RASGEF1A: variants seen among roughly 807,000 people sequenced by gnomAD.
RASGEF1A encodes RasGEF domain family member 1A.
RASGEF1A carries 18 observed loss-of-function variants against 56.4 expected under a neutral mutation model. That is an observed-to-expected ratio of 0.32 (90% CI 0.22 to 0.47). The LOEUF (loss-of-function observed/expected upper bound fraction) is 0.47, where lower values mean the gene tolerates loss of function less well. Ranked by LOEUF, RASGEF1A falls within the 20% of genes least tolerant of loss-of-function variation. The pLI is 1.00. For synonymous variants in RASGEF1A, 245 were observed against 242.6 expected, an observed-to-expected ratio of 1.01 and a Z score of -0.09; for missense variants, 422 against 627.1, an observed-to-expected ratio of 0.67 and a Z score of 3.49.
chr10:43,260,346 T>C (rs1836504266), intron 1 of RASGEF1A, among the ~76,000 whole-genome samples: 1 of 152,196 alleles, frequency 6.6e-6, no homozygotes, highest in Admixed American at 6.5e-5. Context: ...CTGGCACTGG[T>C]GCTGTCCTGG....
intron 1 of RASGEF1A, chr10:43,207,793 C>T (rs72783230): frequency 8.2e-5 from 62 of 755,522 alleles, no homozygotes; most frequent in East Asian, 1.3e-4. Context: ...TACCCCAACG[C>T]GCTCTCCACT....
chr10:43,210,556 C>T (rs1359255001), intron 1 of RASGEF1A, among the ~76,000 whole-genome samples: 5 of 152,208 alleles, frequency 3.3e-5, no homozygotes, highest in Admixed American at 6.5e-5. Context: ...TCAAAGACAC[C>T]GTGCCTGACC....
intron 1 of RASGEF1A, among the ~76,000 whole-genome samples, chr10:43,225,144 GTGTC>G (rs1444267213): frequency 1.3e-5 from 2 of 148,946 alleles, no homozygotes; most frequent in East Asian, 4.0e-4. Context: ...GTCTCTGTAT[GTGTC>G]TGTGTGTGTG....
At chr10:43,231,837 G>A (rs998373522) in intron 1 of RASGEF1A, among the ~76,000 whole-genome samples, 3 of 152,264 alleles carry the variant, frequency 2.0e-5, no homozygotes, top group Admixed American at 1.3e-4. Flanking sequence ...AGGGAGGGCT[G>A]GTGGGCCCTG....
chr10:43,216,536 C>A (rs998886057), intron 1 of RASGEF1A, among the ~76,000 whole-genome samples: 2 of 152,214 alleles, frequency 1.3e-5, no homozygotes, highest in Admixed American at 1.3e-4. Flanking sequence ...AAATGCACAT[C>A]TTTTGCTAAA....
chr10:43,206,106 G>A lies in RASGEF1A; in HGVS notation c.11C>T (p.Thr4Met), dbSNP rs760968520. Residue 4 changes from threonine (T) to methionine (M), a missense_variant, in exon 2 of 13, where the codon ACG (threonine) becomes ATG (methionine). Transcript: ENST00000395810. MPQ[T>M]SVVFSSILGP... ...AAGGATGCTGGAGAAGACAACGGACGTCTGGGGCATAGTTTCCTGGGAGAA... is the reference window on the plus strand; with the variant it reads ...AAGGATGCTGGAGAAGACAACGGACATCTGGGGCATAGTTTCCTGGGAGAA... 9.5e-6 allele frequency: 15 copies of A among 1,584,734 alleles called. No individual in the cohort carries two copies. In the East Asian group the frequency reaches 1.1e-4, roughly 12 times the overall value.
intron 1 of RASGEF1A, chr10:43,209,111 C>T: frequency 8.1e-6 from 8 of 985,510 alleles, no homozygotes; most frequent in Non-Finnish European, 9.6e-6. Context: ...CTGTGTCCAC[C>T]ACCAGGCAGC....
At chr10:43,252,936 A>G (rs149485421) in intron 1 of RASGEF1A, among the ~76,000 whole-genome samples, 4 of 152,084 alleles carry the variant, frequency 2.6e-5, no homozygotes, top group African/African-American at 9.7e-5. Context: ...GGAACCCACA[A>G]TCTGCTGCCA....
intron 1 of RASGEF1A, among the ~76,000 whole-genome samples, chr10:43,215,780 G>A (rs1330994588): frequency 2.6e-5 from 4 of 152,168 alleles, no homozygotes; most frequent in Non-Finnish European, 5.9e-5. Context: ...CACGCACAAC[G>A]GCCACAGATG....
chr10:43,239,009 T>G (rs1840471421), intron 1 of RASGEF1A, among the ~76,000 whole-genome samples: 1 of 152,222 alleles, frequency 6.6e-6, no homozygotes, highest in East Asian at 1.9e-4. Flanking sequence ...TATTATTCAT[T>G]CTAATCAGTG....
rs1840032069 is a variant in RASGEF1A, at chr10:43,208,991, C to T, written c.-6-2869G>A. 6.1e-6 allele frequency: 6 copies of T among 985,366 alleles called. No individual in the cohort carries two copies. In the Admixed American group the frequency reaches 3.7e-4, roughly 61 times the overall value. 61.0% of individuals were successfully genotyped at this position (985,366 alleles called of 1,614,324 possible). On this transcript the variant is annotated intron_variant, in intron 1 of 12. Transcript: ENST00000395810. ...CTTCCACTGCGGGGTCCCCTGCCGG[C>T]CACCCCCACCCAGCCCTGAGGTCGC... is the stretch of plus-strand genomic sequence containing the variant.
At chr10:43,210,885 C>G (rs113398123) in intron 1 of RASGEF1A, among the ~76,000 whole-genome samples, 231 of 113,258 alleles carry the variant, frequency 2.0e-3, no homozygotes, top group African/African-American at 6.4e-3. Context: ...AGGCTTGCAC[C>G]CAGTAGCCCC....
chr10:43,203,479 ACCG>A (rs1564529937), intron 2 of RASGEF1A, 59 bp from the exon 3 acceptor site: 32 of 1,461,028 alleles, frequency 2.2e-5, no homozygotes, highest in Non-Finnish European at 2.3e-5. Context: ...CCGGGGGCTC[ACCG>A]CGCTGCTTCA....
rs186909424 is a variant in RASGEF1A at position 43,223,445 on chromosome 10, A to G, written c.-6-17323T>C. On this transcript the variant is annotated intron_variant, in intron 1 of 12. Transcript: ENST00000395810. The stretch of plus-strand genomic sequence containing the variant: ...TACAGATGTCAGAAAAATAACCTTT[A>G]TAGGAAAACTCTGTATCGAATTTGA... Among the ~76,000 whole-genome samples, 481 of 152,382 alleles carry G rather than the reference A, an allele frequency of 3.2e-3. 4 individuals carry two copies. The highest frequency in any genetic ancestry group is 0.011 in the African/African-American group (465 of 41,590).
rs1024709428 is a variant in RASGEF1A at position 43,199,143 on chromosome 10, C to A, written c.901G>T (p.Ala301Ser). The A allele has an allele frequency of 6.2e-7, 1 of 1,613,720 alleles. No homozygotes were observed. Among genetic ancestry groups the A allele is most frequent in the Non-Finnish European group, 8.5e-7 (1 of 1,179,990 alleles). The change falls in exon 8 of 13, where the codon GCC becomes TCC. Residue 301 changes from alanine (A) to serine (S), a missense_variant. By Grantham distance (99) the Ala-to-Ser change is moderately conservative. Coordinates refer to ENST00000395810, the MANE Select transcript of RASGEF1A (RefSeq NM_145313.4). The stretch of plus-strand genomic sequence containing the variant: ...TTCCCGATGTTGAAGCACTCCCGGG[C>A]CACATCAATGAAGAACTCCAACATG... Reference protein sequence around the residue: ...TRMLEFFIDVARECFNIGNFN... With the variant: ...TRMLEFFIDVSRECFNIGNFN...
In RASGEF1A at chr10:43,196,035, C is replaced by T. The variant is rs548395547; in HGVS notation, c.*209G>A. 4.2e-5 allele frequency: 18 copies of T among 431,326 alleles called. No homozygotes were observed. The Admixed American group carries it at 6.0e-4, about 14-fold the overall frequency. The allele number at this position is 431,326 out of a possible 1,614,324, so 26.7% of individuals were successfully genotyped here. A position where few individuals can be genotyped will look rare whatever the true frequency, so the allele number is the denominator to read the frequency against. The stretch of plus-strand genomic sequence containing the variant: ...TACTCTCCCCTCCCCCTCCCCAAAG[C>T]AGGGCCCTGCCCTGTTATTTAAAAT... On this transcript the variant is annotated 3_prime_UTR_variant, in exon 13 of 13. Coordinates refer to ENST00000395810, the MANE Select transcript of RASGEF1A (RefSeq NM_145313.4). This position sits in a 1 kb window ranked among gnomAD's most constrained non-coding sequence, Gnocchi z 4.6.
chr10:43,226,886 G>A (rs1424028933), intron 1 of RASGEF1A, among the ~76,000 whole-genome samples: 1 of 152,186 alleles, frequency 6.6e-6, no homozygotes, highest in Non-Finnish European at 1.5e-5. Flanking sequence ...ACTCAGAACG[G>A]AACAGCCCAT....
rs117370577 is a variant in RASGEF1A, at chr10:43,234,723, C to A, written c.-6-28601G>T. ...CAAACCCTGAAGGTGATGGCGCATACCTCTCTATCCTCTCCAGGGCATGAA... is the reference window on the plus strand; with the variant it reads ...CAAACCCTGAAGGTGATGGCGCATAACTCTCTATCCTCTCCAGGGCATGAA... On this transcript the variant is annotated intron_variant, in intron 1 of 12. Coordinates refer to ENST00000395810, the MANE Select transcript of RASGEF1A (RefSeq NM_145313.4). Among the ~76,000 whole-genome samples, 685 of 152,350 alleles carry A rather than the reference C, an allele frequency of 4.5e-3. 4 individuals carry two copies. Among genetic ancestry groups the A allele is most frequent in the Non-Finnish European group, 6.5e-3 (442 of 68,032 alleles).
intron 1 of RASGEF1A, among the ~76,000 whole-genome samples, chr10:43,265,735 C>T (rs954042352): frequency 6.6e-6 from 1 of 152,242 alleles, no homozygotes; most frequent in Non-Finnish European, 1.5e-5. Flanking sequence ...GACCTGTAGC[C>T]TTTCGGCTGG....
Sources: allele counts gnomAD v4.1 joint callset (sites outside exome capture counted in the v4.1 genomes callset), GRCh38; gene constraint gnomAD v4.1.1; non-coding constraint Gnocchi (gnomAD v3.1); transcripts MANE v1.5; gene names NCBI Gene and HGNC (gene_info 2026-07-23, HGNC 2026-07-21).